Variants in CDKAL1 observed in about 807,000 individuals in gnomAD.
The protein encoded by CDKAL1 is CDKAL1 threonylcarbamoyladenosine tRNA methylthiotransferase, also known as threonylcarbamoyladenosine tRNA methylthiotransferase.
CDKAL1 carries 32 observed loss-of-function variants against 68.2 expected under a neutral mutation model. That is an observed-to-expected ratio of 0.47 (90% confidence interval 0.35 to 0.63). The LOEUF (loss-of-function observed/expected upper bound fraction) is 0.63. CDKAL1 is among the 30% of genes least tolerant of loss of function. The pLI is 0.00. For synonymous variants in CDKAL1, 234 were observed against 244.3 expected (o/e 0.96, Z 0.39); for missense variants, 606 against 696.7 (o/e 0.87, Z 1.47).
In CDKAL1 at chr6:21,231,185, C is replaced by T. The variant is rs1170329784; in HGVS notation, c.*146C>T. The T allele has an allele frequency of 9.2e-6, 5 of 543,072 alleles. No individual in the cohort carries two copies. Among genetic ancestry groups the T allele is most frequent in the Non-Finnish European group, 1.6e-5 (5 of 321,118 alleles). 33.6% of individuals were successfully genotyped at this position (543,072 alleles called of 1,614,324 possible). A position where few individuals can be genotyped will look rare whatever the true frequency, so the allele number is the denominator to read the frequency against. On this transcript the variant is annotated 3_prime_UTR_variant, in exon 16 of 16. Transcript: ENST00000274695. ...TTCTCAGCCACTCTTCTTAATGAGGCTCCCCCTGTCTCACATTGAGTTGGG... is the reference window on the plus strand; with the variant it reads ...TTCTCAGCCACTCTTCTTAATGAGGTTCCCCCTGTCTCACATTGAGTTGGG...
At chr6:20,879,225 C>T (rs968772544) in intron 9 of CDKAL1, among the ~76,000 whole-genome samples, 24 of 152,330 alleles carry the variant, frequency 1.6e-4, no homozygotes, top group Admixed American at 1.1e-3. Context: ...ACCCACAAAA[C>T]CTCTAGTACC....
intron 5 of CDKAL1, among the ~76,000 whole-genome samples, chr6:20,686,644 C>A (rs1328354669): frequency 6.6e-6 from 1 of 152,158 alleles, no homozygotes; most frequent in Non-Finnish European, 1.5e-5. Flanking sequence ...CTGAAACCAT[C>A]TCCCACCCAA....
At chr6:20,646,072 T>C (rs917115377) in intron 4 of CDKAL1, among the ~76,000 whole-genome samples, 43 of 141,960 alleles carry the variant, frequency 3.0e-4, no homozygotes, top group East Asian at 2.0e-4. Flanking sequence ...TTTTTTTTTT[T>C]GTGAGACAGA....
At chr6:20,914,506 T>G (rs1762634264) in intron 9 of CDKAL1, among the ~76,000 whole-genome samples, 1 of 152,104 alleles carries the variant, frequency 6.6e-6, no homozygotes, top group Non-Finnish European at 1.5e-5. Flanking sequence ...CCTAGCTAAG[T>G]GTAGATTTCT....
intron 12 of CDKAL1, among the ~76,000 whole-genome samples, chr6:21,070,326 A>G (rs573578910): frequency 6.6e-6 from 1 of 150,604 alleles, no homozygotes; most frequent in Non-Finnish European, 1.5e-5. Context: ...CTTTTAGTCT[A>G]CACTGGCAGT....
chr6:20,752,959 G>A (rs2819992), intron 6 of CDKAL1, among the ~76,000 whole-genome samples: 11,955 of 152,044 alleles, frequency 0.079, 678 homozygotes, highest in African/African-American at 0.17. Context: ...CCTTGACATT[G>A]GAACCTTTGA....
At chr6:21,205,319 G>C (rs547151675) in intron 15 of CDKAL1, among the ~76,000 whole-genome samples, 1 of 131,506 alleles carries the variant, frequency 7.6e-6, no homozygotes, top group South Asian at 2.8e-4. Context: ...TATTTGTGCA[G>C]AAATAAGATT....
At chr6:20,791,011 AT>A (rs1383474081) in intron 8 of CDKAL1, among the ~76,000 whole-genome samples, 1 of 152,332 alleles carries the variant, frequency 6.6e-6, no homozygotes, top group African/African-American at 2.4e-5. Context: ...AGTGTGCCAA[AT>A]GAGAAGACAG....
At chr6:21,117,939 G>A (rs1490566191) in intron 13 of CDKAL1, among the ~76,000 whole-genome samples, 7 of 152,070 alleles carry the variant, frequency 4.6e-5, no homozygotes, top group African/African-American at 1.2e-4. Context: ...ACTTTTATTC[G>A]TTCATTTAAG....
intron 12 of CDKAL1, among the ~76,000 whole-genome samples, chr6:21,097,797 G>A (rs755268812): frequency 5.3e-5 from 8 of 152,108 alleles, no homozygotes; most frequent in Non-Finnish European, 1.2e-4. Flanking sequence ...CAAAATCCCT[G>A]GGAAACATGT....
chr6:20,704,640 T>C (rs1771518944), intron 5 of CDKAL1, among the ~76,000 whole-genome samples: 1 of 152,180 alleles, frequency 6.6e-6, no homozygotes, highest in South Asian at 2.1e-4. Flanking sequence ...GAGACCAAGC[T>C]AAATTCTGTA....
intron 4 of CDKAL1, among the ~76,000 whole-genome samples, chr6:20,556,051 C>G (rs1764030395): frequency 6.6e-6 from 1 of 151,952 alleles, no homozygotes; most frequent in Non-Finnish European, 1.5e-5. Flanking sequence ...AATTTCAGTG[C>G]TGAGTTGGGA....
intron 5 of CDKAL1, among the ~76,000 whole-genome samples, chr6:20,686,906 G>C (rs959658199): frequency 2.0e-5 from 3 of 152,120 alleles, no homozygotes; most frequent in African/African-American, 4.8e-5. Flanking sequence ...TTTGGATTTT[G>C]TCAAGTGTGT....
chr6:20,660,806 C>T (rs1439144374), intron 5 of CDKAL1, among the ~76,000 whole-genome samples: 1 of 152,092 alleles, frequency 6.6e-6, no homozygotes, highest in Non-Finnish European at 1.5e-5. Flanking sequence ...TATCGTTATG[C>T]TGTCATTGCA....
intron 8 of CDKAL1, among the ~76,000 whole-genome samples, chr6:20,822,269 T>C (rs1777317297): frequency 1.3e-5 from 2 of 152,182 alleles, no homozygotes; most frequent in Admixed American, 1.3e-4. Flanking sequence ...AAAGCAAATA[T>C]TGAACAACAG....
At chr6:21,032,146 C>T (rs1475122379) in intron 11 of CDKAL1, among the ~76,000 whole-genome samples, 1 of 152,156 alleles carries the variant, frequency 6.6e-6, no homozygotes, top group Non-Finnish European at 1.5e-5. Context: ...CCCCTCCTGG[C>T]CCATTTTGTG....
chr6:20,687,985 C>T (rs531543257), intron 5 of CDKAL1, among the ~76,000 whole-genome samples: 2 of 151,876 alleles, frequency 1.3e-5, no homozygotes, highest in Middle Eastern at 3.4e-3. Context: ...AATGATTTTG[C>T]GGGTTACAGA....
chr6:21,134,646 C>G (rs1182050542), intron 13 of CDKAL1, among the ~76,000 whole-genome samples: 1 of 152,054 alleles, frequency 6.6e-6, no homozygotes, highest in Non-Finnish European at 1.5e-5. Context: ...GGCAAATGAT[C>G]ATAGTTTTTG....
rs560922960 is a variant in CDKAL1 at position 20,639,125 on chromosome 6, A to G, written c.287-10168A>G. The stretch of plus-strand genomic sequence containing the variant: ...GGGTAATAGCCATAATTAATTTTCA[A>G]TAGTTACTGGTAGAGCTTTGCCAGC... On this transcript the variant is annotated intron_variant, in intron 4 of 15. Coordinates refer to ENST00000274695, the MANE Select transcript of CDKAL1 (RefSeq NM_017774.3). Among the ~76,000 whole-genome samples, 70 of 152,296 alleles carry G rather than the reference A, an allele frequency of 4.6e-4. 1 individual carries two copies. Among genetic ancestry groups the G allele is most frequent in the Admixed American group, 2.2e-3 (33 of 15,306 alleles).
Sources: allele counts gnomAD v4.1 joint callset (sites outside exome capture counted in the v4.1 genomes callset), GRCh38; gene constraint gnomAD v4.1.1; transcripts MANE v1.5; gene names NCBI Gene and HGNC (gene_info 2026-07-23, HGNC 2026-07-21).